The following STXBP4 variants were observed in gnomAD, a reference collection of about 807,000 sequenced individuals.
STXBP4 encodes the protein syntaxin-binding protein 4.
STXBP4 carries 55 observed loss-of-function variants against 76.1 expected under a neutral mutation model. That is an observed-to-expected ratio of 0.72 (90% CI 0.58 to 0.91). The LOEUF is 0.91. Ranked by LOEUF, STXBP4 falls within the 40% of genes least tolerant of loss-of-function variation. STXBP4 has a pLI of 0.00. For missense variants in STXBP4, 618 were observed against 636.9 expected, an observed-to-expected ratio of 0.97 and a Z score of 0.32; for synonymous variants, 201 against 220.2, an observed-to-expected ratio of 0.91 and a Z score of 0.77.
chr17:55,185,575 A>C, the STXBP4 span, among the ~76,000 whole-genome samples: 1 of 152,190 alleles, frequency 6.6e-6, no homozygotes, highest in Non-Finnish European at 1.5e-5. Context: ...AATGAAAATG[A>C]AAATAAAGCA....
At position 55,165,256 on chromosome 17, in the gene STXBP4, A is replaced by G. The variant is rs2080370996; in HGVS notation, c.*5345A>G. On this transcript the variant is annotated 3_prime_UTR_variant, in exon 18 of 18. Transcript: ENST00000376352. Reference sequence around the variant, plus strand: ...TTTCTTACTCACTGTCTAGGAAATAATTCTCCTGGCTGTGAGAAGGAGAAA... The same window carrying G: ...TTTCTTACTCACTGTCTAGGAAATAGTTCTCCTGGCTGTGAGAAGGAGAAA... 6.6e-6 allele frequency: 1 copy of G among 152,206 alleles called. No homozygotes were observed. The highest frequency in any genetic ancestry group is 1.5e-5 in the Non-Finnish European group (1 of 68,048). 9.4% of individuals were successfully genotyped at this position (152,206 alleles called of 1,614,324 possible).
At chr17:55,174,348 A>T (rs1339180827), downstream of STXBP4, among the ~76,000 whole-genome samples, 1 of 152,134 alleles carries the variant, frequency 6.6e-6, no homozygotes, top group African/African-American at 2.4e-5. Context: ...CCTTGTCAAC[A>T]CTTGGTACTG....
the STXBP4 span, among the ~76,000 whole-genome samples, chr17:55,187,428 T>TA: frequency 6.6e-6 from 1 of 150,730 alleles, no homozygotes; most frequent in African/African-American, 2.5e-5. Context: ...TGCTTATGAT[T>TA]TAAAAAAAAA....
chr17:55,177,665 T>A (rs967951782), downstream of STXBP4, among the ~76,000 whole-genome samples: 2 of 152,220 alleles, frequency 1.3e-5, no homozygotes, highest in Admixed American at 6.5e-5. Context: ...ACATGATTGC[T>A]GTCCAATAAA....
chr17:54,968,929 T>C, intron 1 of STXBP4, 114 bp downstream of exon 1: 1 of 387,822 alleles, frequency 2.6e-6, no homozygotes, highest in Admixed American at 3.9e-5. Flanking sequence ...TGCCATCACT[T>C]GGGGTTGCGC....
chr17:55,121,811 A>G (rs778788093), intron 16 of STXBP4, among the ~76,000 whole-genome samples: 6 of 152,024 alleles, frequency 3.9e-5, no homozygotes, highest in Non-Finnish European at 5.9e-5. Context: ...ATTAATGGAT[A>G]AGGACAGATG....
intron 12 of STXBP4, among the ~76,000 whole-genome samples, chr17:55,054,805 TTTAA>T (rs1439488069): frequency 1.3e-5 from 2 of 152,080 alleles, no homozygotes; most frequent in Non-Finnish European, 2.9e-5. Context: ...GTATTAACTA[TTTAA>T]TAAAGAGGAG....
At chr17:55,146,545 A>G (rs2080156016) in intron 17 of STXBP4, among the ~76,000 whole-genome samples, 2 of 152,028 alleles carry the variant, frequency 1.3e-5, no homozygotes, top group South Asian at 2.1e-4. Flanking sequence ...CCCTGTCTCT[A>G]CTAAAAAAAA....
chr17:54,981,377 A>G (rs10852971), intron 1 of STXBP4, among the ~76,000 whole-genome samples: 114,190 of 151,268 alleles, frequency 0.75, 43,535 homozygotes, highest in African/African-American at 0.84. Context: ...ATTGGTGTAC[A>G]AATAAACAAC....
the STXBP4 span, among the ~76,000 whole-genome samples, chr17:55,179,498 C>T: frequency 6.6e-6 from 1 of 152,128 alleles, no homozygotes; most frequent in African/African-American, 2.4e-5. Flanking sequence ...GAGTTCAAAT[C>T]TGAAGGCAAA....
At chr17:55,148,803 G>C (rs551643905) in intron 17 of STXBP4, among the ~76,000 whole-genome samples, 36 of 152,298 alleles carry the variant, frequency 2.4e-4, no homozygotes, top group Non-Finnish European at 3.8e-4. Context: ...CAAAGTGCTG[G>C]GATTACAGGC....
At chr17:55,071,048 A>G (rs1439311763) in intron 12 of STXBP4, among the ~76,000 whole-genome samples, 2 of 151,954 alleles carry the variant, frequency 1.3e-5, no homozygotes, top group African/African-American at 2.4e-5. Flanking sequence ...CTTCACACCA[A>G]CTCCACCACT....
At chr17:54,969,090 G>A (rs1365132815) in intron 1 of STXBP4, among the ~76,000 whole-genome samples, 1 of 152,158 alleles carries the variant, frequency 6.6e-6, no homozygotes, top group Non-Finnish European at 1.5e-5. Flanking sequence ...CTCTCAGGAA[G>A]CCTTGCTGTG....
At chr17:55,203,776 C>T in the STXBP4 span, among the ~76,000 whole-genome samples, 2 of 152,232 alleles carry the variant, frequency 1.3e-5, no homozygotes, top group Non-Finnish European at 2.9e-5. Context: ...ATTTCATTAT[C>T]TTCTGGCTTC....
At chr17:54,995,624 C>T (rs1392463135) in intron 4 of STXBP4, among the ~76,000 whole-genome samples, 1 of 152,110 alleles carries the variant, frequency 6.6e-6, no homozygotes, top group African/African-American at 2.4e-5. Flanking sequence ...TGAAGTAGGA[C>T]ATATTTAACT....
At chr17:55,105,532 A>G (rs2079623483) in intron 16 of STXBP4, among the ~76,000 whole-genome samples, 2 of 150,108 alleles carry the variant, frequency 1.3e-5, no homozygotes, top group African/African-American at 2.5e-5. Flanking sequence ...CAGTGGCGCA[A>G]TCTCAGCTCA....
intron 1 of STXBP4, among the ~76,000 whole-genome samples, chr17:54,980,884 T>G (rs1408273355): frequency 6.6e-6 from 1 of 152,220 alleles, no homozygotes; most frequent in Non-Finnish European, 1.5e-5. Flanking sequence ...CAACTTTAAA[T>G]GTGTTCCAAC....
At chr17:55,115,859 A>G (rs1264937092) in intron 16 of STXBP4, among the ~76,000 whole-genome samples, 1 of 151,864 alleles carries the variant, frequency 6.6e-6, no homozygotes, top group Non-Finnish European at 1.5e-5. Flanking sequence ...TTTCAAATGT[A>G]CAATTCAGGA....
chr17:55,069,338 T>C (rs1392427183), intron 12 of STXBP4, among the ~76,000 whole-genome samples: 1 of 152,126 alleles, frequency 6.6e-6, no homozygotes, highest in Non-Finnish European at 1.5e-5. Flanking sequence ...CTCTATCTAG[T>C]ACATAGTAAA....
Sources: allele counts gnomAD v4.1 joint callset (sites outside exome capture counted in the v4.1 genomes callset), GRCh38; gene constraint gnomAD v4.1.1; transcripts MANE v1.5; gene names NCBI Gene and HGNC (gene_info 2026-07-23, HGNC 2026-07-21).